MVB12B: variants seen among roughly 807,000 people sequenced by gnomAD.
The protein encoded by MVB12B is ESCRT-I complex subunit MVB12B.
In MVB12B, 16 loss-of-function variants were observed where a neutral mutation model predicts 41.6. The ratio of observed to expected loss-of-function variants is 0.38; its 90% CI spans 0.26 to 0.58. The LOEUF is 0.58. MVB12B is among the 20% of genes least tolerant of loss of function. The pLI is 0.62. For synonymous variants in MVB12B, 133 were observed against 139.7 expected, an observed-to-expected ratio of 0.95 and a Z score of 0.34; for missense variants, 274 against 380.2, an observed-to-expected ratio of 0.72 and a Z score of 2.32.
intron 1 of MVB12B, chr9:126,327,394 G>A (rs368467446): frequency 2.2e-6 from 2 of 927,726 alleles, no homozygotes; most frequent in East Asian, 1.2e-4. Context: ...GCCTGGCCTG[G>A]GGTCCTGCTC....
At chr9:126,411,616 T>C (rs1320066530) in intron 6 of MVB12B, among the ~76,000 whole-genome samples, 2 of 152,242 alleles carry the variant, frequency 1.3e-5, no homozygotes, top group African/African-American at 4.8e-5. Context: ...AAACCTTACT[T>C]GTCTTGGCTT....
At chr9:126,363,932 T>A (rs1478152433) in intron 2 of MVB12B, among the ~76,000 whole-genome samples, 1 of 152,178 alleles carries the variant, frequency 6.6e-6, no homozygotes, top group Non-Finnish European at 1.5e-5. Flanking sequence ...TAATTACAGT[T>A]ACCACTCTTT....
At chr9:126,399,623 A>G (rs1185084337) in intron 6 of MVB12B, among the ~76,000 whole-genome samples, 1 of 152,152 alleles carries the variant, frequency 6.6e-6, no homozygotes, top group Non-Finnish European at 1.5e-5. Context: ...TGCTGCTGGG[A>G]CAGAGGTTGG....
At chr9:126,335,333 G>T in intron 1 of MVB12B, 1 of 1,304,272 alleles carries the variant, frequency 7.7e-7, no homozygotes, top group South Asian at 1.2e-5. Flanking sequence ...TCCCCCACGG[G>T]TGGCCCCAAA....
rs1199959238 is a variant in MVB12B, at chr9:126,391,626, C to T, written c.410-440C>T. ...AAACCAGCTTGTCCATTGTGCACAG[C>T]ATTGACACTGGGTGACGGGAACACG... On this transcript the variant is annotated intron_variant, in intron 4 of 9. Coordinates refer to ENST00000361171, the MANE Select transcript of MVB12B (RefSeq NM_033446.3). This position sits in a 1 kb window ranked among gnomAD's most constrained non-coding sequence, Gnocchi z 4.4. Among the ~76,000 whole-genome samples the T allele has an allele frequency of 6.6e-6, 1 of 152,210 alleles. No homozygotes were observed. Among genetic ancestry groups the T allele is most frequent in the Non-Finnish European group, 1.5e-5 (1 of 68,030 alleles).
intron 2 of MVB12B, among the ~76,000 whole-genome samples, chr9:126,360,539 T>G (rs1018676636): frequency 6.6e-6 from 1 of 152,196 alleles, no homozygotes; most frequent in Non-Finnish European, 1.5e-5. Context: ...TTGAAAAGAA[T>G]GTATATTCTT....
chr9:126,476,876 CAAAAA>C (rs35160593), intron 7 of MVB12B, among the ~76,000 whole-genome samples: 3 of 63,830 alleles, frequency 4.7e-5, no homozygotes, highest in Non-Finnish European at 8.9e-5. Flanking sequence ...GACTCCATCT[CAAAAA>C]AAAAAAAAAA....
intron 5 of MVB12B, among the ~76,000 whole-genome samples, chr9:126,394,395 C>T (rs1831046386): frequency 6.6e-6 from 1 of 151,996 alleles, no homozygotes; most frequent in South Asian, 2.1e-4. Context: ...TTGATAAAAC[C>T]AAAGGCTTTT....
chr9:126,434,682 A>G (rs1265769753), intron 7 of MVB12B, among the ~76,000 whole-genome samples: 1 of 152,166 alleles, frequency 6.6e-6, no homozygotes, highest in African/African-American at 2.4e-5. Context: ...TGGCTCATGA[A>G]TTGCACGGCC....
rs1830290709 is a variant in MVB12B at position 126,369,986 on chromosome 9, A to G, written c.205-11078A>G. Among the ~76,000 whole-genome samples the G allele has an allele frequency of 2.0e-5, 3 of 151,996 alleles. No homozygotes were observed. In the South Asian group the frequency reaches 6.2e-4, roughly 32 times the overall value. On this transcript the variant is annotated intron_variant, in intron 2 of 9. Coordinates refer to ENST00000361171, the MANE Select transcript of MVB12B (RefSeq NM_033446.3). The stretch of plus-strand genomic sequence containing the variant: ...TTTTTTTCTTAGCATTGTTCTTGAG[A>G]TATTTTTCCTTGCTGATACAGCTCT...
Position 126,340,584 on chromosome 9 carries a change from T to G in MVB12B, c.158T>G (p.Val53Gly), listed in dbSNP as rs1829418004. 1 of 1,613,604 alleles carries G rather than the reference T, an allele frequency of 6.2e-7. No homozygotes were observed. Among genetic ancestry groups the G allele is most frequent in the Admixed American group, 1.7e-5 (1 of 59,952 alleles). Residue 53 changes from valine (V) to glycine (G), a missense_variant, in exon 2 of 10, where the codon GTC (valine) becomes GGC (glycine). Coordinates refer to ENST00000361171, the MANE Select transcript of MVB12B (RefSeq NM_033446.3). The surrounding 1 kb of genome is among the most constrained non-coding windows in gnomAD (Gnocchi z 4.0). ...ACGTCAATGGATCCCATCACGGGAG[T>G]CGGGGTGGTGGCTTCTCGGAACCGA... ...PETSMDPITG[V>G]GVVASRNRAP...
At chr9:126,466,916 C>T (rs1564341699) in intron 7 of MVB12B, among the ~76,000 whole-genome samples, 2 of 152,098 alleles carry the variant, frequency 1.3e-5, no homozygotes, top group Non-Finnish European at 2.9e-5. Flanking sequence ...CATCCTCCAC[C>T]TCCTGTGTTC....
intron 9 of MVB12B, among the ~76,000 whole-genome samples, chr9:126,499,967 G>A (rs184359182): frequency 2.6e-5 from 4 of 152,142 alleles, no homozygotes; most frequent in Non-Finnish European, 5.9e-5. Flanking sequence ...CTGGGACAGC[G>A]GCACAGGGTC....
At chr9:126,355,918 T>C (rs1175729064) in intron 2 of MVB12B, among the ~76,000 whole-genome samples, 3 of 152,208 alleles carry the variant, frequency 2.0e-5, no homozygotes, top group African/African-American at 4.8e-5. Flanking sequence ...AAGGAAATCC[T>C]GTACCCATTA....
At chr9:126,397,072 C>T (rs1320990036) in intron 6 of MVB12B, 1 of 985,422 alleles carries the variant, frequency 1.0e-6, no homozygotes. Context: ...TCCTCCATCA[C>T]CTGTGCTGAG....
At chr9:126,380,661 C>T (rs1051382173) in intron 2 of MVB12B, among the ~76,000 whole-genome samples, 5 of 152,214 alleles carry the variant, frequency 3.3e-5, no homozygotes, top group Non-Finnish European at 7.3e-5. Flanking sequence ...GTGTCACCCT[C>T]GCCGCAGGCA....
At chr9:126,484,417 C>T (rs748470640) in intron 9 of MVB12B, among the ~76,000 whole-genome samples, 3 of 152,176 alleles carry the variant, frequency 2.0e-5, no homozygotes, top group South Asian at 4.1e-4. Context: ...GGAGGGGTTT[C>T]GGGAAATGAC....
At position 126,487,780 on chromosome 9, in the gene MVB12B, A is replaced by AT. The variant is rs1554786001; in HGVS notation, c.873+3748_873+3749insT. Among the ~76,000 whole-genome samples the AT allele has an allele frequency of 8.6e-3, 1,313 of 151,978 alleles. 25 individuals are homozygous for AT. Among genetic ancestry groups the AT allele is most frequent in the African/African-American group, 0.03 (1,238 of 41,366 alleles). ...AGACTCCGTCTCAAAAAAAAAAAAA[A>AT]AAATAACAAAACAGGTCTGTATTTG... On this transcript the variant is annotated intron_variant, in intron 9 of 9. Transcript: ENST00000361171.
At chr9:126,371,639 G>T (rs1830341776) in intron 2 of MVB12B, among the ~76,000 whole-genome samples, 1 of 152,178 alleles carries the variant, frequency 6.6e-6, no homozygotes, top group Non-Finnish European at 1.5e-5. Flanking sequence ...TTTAGTCTTT[G>T]TGTGTTTTTC....
Sources: allele counts gnomAD v4.1 joint callset (sites outside exome capture counted in the v4.1 genomes callset), GRCh38; gene constraint gnomAD v4.1.1; non-coding constraint Gnocchi (gnomAD v3.1); transcripts MANE v1.5; gene names NCBI Gene and HGNC (gene_info 2026-07-23, HGNC 2026-07-21).